Variants in ATP2B4 observed in about 807,000 individuals in gnomAD.
ATP2B4 encodes the protein ATPase plasma membrane Ca2+ transporting 4.
A neutral mutation model predicts 110.3 loss-of-function variants in ATP2B4; 39 were observed. The observed-to-expected ratio is 0.35, with a 90% CI of 0.27 to 0.46. ATP2B4 has a LOEUF of 0.46. ATP2B4 is among the 20% of genes least tolerant of loss of function. The pLI is 1.00. For synonymous variants in ATP2B4, 538 were observed against 571.7 expected (o/e 0.94, Z 0.84); for missense variants, 1,135 against 1,530.9 (o/e 0.74, Z 4.32).
At chr1:203,738,706 T>C (rs1013686735) in intron 20 of ATP2B4, among the ~76,000 whole-genome samples, 2 of 152,220 alleles carry the variant, frequency 1.3e-5, no homozygotes, top group Non-Finnish European at 2.9e-5. Flanking sequence ...GCACAGTTGC[T>C]GTGTATCAGA....
chr1:203,683,666 C>CTTTTTTTTTTTTTTTTTTT (rs11326748), intron 2 of ATP2B4, among the ~76,000 whole-genome samples: 39 of 77,704 alleles, frequency 5.0e-4, no homozygotes, highest in Middle Eastern at 0.013. Context: ...TCTTTTGTTT[C>CTTTTTTTTTTTTTTTTTTT]TTTTTTTTTT....
intron 15 of ATP2B4, among the ~76,000 whole-genome samples, chr1:203,719,447 T>C (rs1166452557): frequency 4.0e-5 from 6 of 151,836 alleles, no homozygotes; most frequent in Non-Finnish European, 8.8e-5. Context: ...CGGTGGCACA[T>C]GACTATAATC....
chr1:203,668,164 C>T (rs1664562875), intron 1 of ATP2B4, among the ~76,000 whole-genome samples: 1 of 152,182 alleles, frequency 6.6e-6, no homozygotes, highest in South Asian at 2.1e-4. Context: ...GCTCTGTAGG[C>T]TCAGAGTGGA....
chr1:203,722,117 G>C (rs758171139), intron 17 of ATP2B4, among the ~76,000 whole-genome samples: 2 of 152,080 alleles, frequency 1.3e-5, no homozygotes, highest in Admixed American at 6.6e-5. Flanking sequence ...AGCAAACTGA[G>C]AGAGAAGGTA....
Position 203,743,907 on chromosome 1 carries a change from G to A in ATP2B4, c.*4053G>A, listed in dbSNP as rs1005547227. Reference sequence around the variant, plus strand: ...TGCATGTATTTATATGGTTCTTAGGGAAAAAAAATGCTATAAACTGCAAAT... The same window carrying A: ...TGCATGTATTTATATGGTTCTTAGGAAAAAAAAATGCTATAAACTGCAAAT... On this transcript the variant is annotated 3_prime_UTR_variant, in exon 21 of 21. Coordinates refer to ENST00000357681, the MANE Select transcript of ATP2B4 (RefSeq NM_001684.5). The A allele has an allele frequency of 6.6e-6, 1 of 152,146 alleles. No individual in the cohort carries two copies. Among genetic ancestry groups the A allele is most frequent in the Admixed American group, 6.6e-5 (1 of 15,200 alleles). 9.4% of individuals were successfully genotyped at this position (152,146 alleles called of 1,614,324 possible).
intron 19 of ATP2B4, among the ~76,000 whole-genome samples, chr1:203,724,892 T>TTTC (rs1491155239): frequency 1.5e-5 from 2 of 134,272 alleles, no homozygotes; most frequent in Non-Finnish European, 3.2e-5. Context: ...TTTTTTTTTT[T>TTTC]CTGAGACAGA....
Position 203,682,949 on chromosome 1 carries a change from C to A in ATP2B4, c.-257C>A. On this transcript the variant is annotated 5_prime_UTR_variant, in exon 2 of 21. Coordinates refer to ENST00000357681, the MANE Select transcript of ATP2B4 (RefSeq NM_001684.5). ...CACCTGGGGACACCAATCATCGTGACACGGAGTCCACCTTCCACTCAGTTC... is the reference window on the plus strand; with the variant it reads ...CACCTGGGGACACCAATCATCGTGAAACGGAGTCCACCTTCCACTCAGTTC... 2.5e-6 allele frequency: 1 copy of A among 400,782 alleles called. No individual in the cohort carries two copies. The highest frequency in any genetic ancestry group is 4.6e-6 in the Non-Finnish European group (1 of 219,732). 24.8% of individuals were successfully genotyped at this position (400,782 alleles called of 1,614,324 possible).
chr1:203,721,467 G>A (rs2102214919), intron 17 of ATP2B4, 57 bp downstream of exon 17: 4 of 1,553,356 alleles, frequency 2.6e-6, no homozygotes, highest in Admixed American at 1.7e-5. Flanking sequence ...TGGGGGCAGA[G>A]AAAGAAGGTA....
intron 1 of ATP2B4, among the ~76,000 whole-genome samples, chr1:203,661,956 T>C (rs1447419438): frequency 6.6e-6 from 1 of 152,168 alleles, no homozygotes; most frequent in Non-Finnish European, 1.5e-5. Flanking sequence ...TTCCATCTGC[T>C]CTTCTTCCTT....
At chr1:203,733,091 T>C in intron 20 of ATP2B4, 1 of 749,156 alleles carries the variant, frequency 1.3e-6, no homozygotes, top group Non-Finnish European at 2.0e-6. Flanking sequence ...TCTCTCTTGC[T>C]CTCTCCTGTC....
At chr1:203,738,637 A>G (rs563598624) in intron 20 of ATP2B4, among the ~76,000 whole-genome samples, 26 of 152,020 alleles carry the variant, frequency 1.7e-4, no homozygotes, top group Admixed American at 4.6e-4. Context: ...TCCCTTCTCC[A>G]CATAAGACTA....
intron 2 of ATP2B4, among the ~76,000 whole-genome samples, chr1:203,691,972 C>T (rs1470351962): frequency 2.6e-5 from 4 of 151,968 alleles, no homozygotes; most frequent in Admixed American, 1.3e-4. Flanking sequence ...AGCTCCGCCT[C>T]CCGTGTTCAC....
At chr1:203,639,551 G>A (rs555036766) in intron 1 of ATP2B4, among the ~76,000 whole-genome samples, 2 of 152,306 alleles carry the variant, frequency 1.3e-5, no homozygotes, top group African/African-American at 2.4e-5. Flanking sequence ...TAGACCCGAC[G>A]CACAACTGAG....
chr1:203,649,770 G>A (rs1245726877), intron 1 of ATP2B4, among the ~76,000 whole-genome samples: 1 of 152,068 alleles, frequency 6.6e-6, no homozygotes, highest in African/African-American at 2.4e-5. Context: ...CTCCAGCCTG[G>A]GCAACAGAGA....
chr1:203,708,717 C>T (rs1665919304), intron 10 of ATP2B4, among the ~76,000 whole-genome samples: 1 of 152,072 alleles, frequency 6.6e-6, no homozygotes, highest in Admixed American at 6.6e-5. Flanking sequence ...ATTAGCCAGG[C>T]ATGGTTGCGC....
At chr1:203,729,634 C>A in intron 20 of ATP2B4, 2 of 969,676 alleles carry the variant, frequency 2.1e-6, no homozygotes, top group Non-Finnish European at 3.0e-6. Context: ...TTTCTGTCTG[C>A]CAGAGAAACA....
intron 1 of ATP2B4, among the ~76,000 whole-genome samples, chr1:203,632,412 C>T (rs1408854548): frequency 1.3e-5 from 2 of 150,752 alleles, no homozygotes; most frequent in Non-Finnish European, 3.0e-5. Context: ...GGTGGGATCT[C>T]GGCTCACTGC....
At chr1:203,700,984 G>C (rs895883349) in intron 6 of ATP2B4, 61 bp downstream of exon 6, 18 of 1,562,210 alleles carry the variant, frequency 1.2e-5, no homozygotes, top group Non-Finnish European at 1.6e-5. Flanking sequence ...ACAAGGAAGC[G>C]AGGGAGCAGA....
At chr1:203,708,404 A>G (rs2102397196) in intron 10 of ATP2B4, among the ~76,000 whole-genome samples, 1 of 152,338 alleles carries the variant, frequency 6.6e-6, no homozygotes, top group Non-Finnish European at 1.5e-5. Context: ...TGGGCTTATC[A>G]GAAGTAAATT....
Sources: gnomAD v4.1 joint callset for allele counts (sites outside exome capture counted in the v4.1 genomes callset) on GRCh38, gnomAD v4.1.1 for gene constraint, MANE v1.5 for transcripts, NCBI Gene and HGNC (gene_info 2026-07-23, HGNC 2026-07-21) for gene names.